The following EXOC6B variants were observed in gnomAD, a reference collection of about 807,000 sequenced individuals.
The protein encoded by EXOC6B is SEC15 homolog B.
Under a neutral mutation model 113.5 loss-of-function variants are expected in EXOC6B, and 54 were observed. The observed-to-expected ratio is 0.48, with a 90% CI of 0.38 to 0.60. The LOEUF is 0.60. Ranked by LOEUF, EXOC6B falls within the 20% of genes least tolerant of loss-of-function variation. EXOC6B has a pLI of 0.00. For missense variants in EXOC6B, 797 were observed against 977.5 expected (o/e 0.82, Z 2.46); for synonymous variants, 357 against 339.0 (o/e 1.05, Z -0.58).
intron 6 of EXOC6B, among the ~76,000 whole-genome samples, chr2:72,694,651 A>G (rs1677735305): frequency 6.6e-6 from 1 of 152,202 alleles, no homozygotes; most frequent in Non-Finnish European, 1.5e-5. Flanking sequence ...TTGAAGGGGA[A>G]GGAAAATAAA....
chr2:72,756,383 C>A (rs963750964), intron 1 of EXOC6B, among the ~76,000 whole-genome samples: 1 of 152,066 alleles, frequency 6.6e-6, no homozygotes, highest in Non-Finnish European at 1.5e-5. Flanking sequence ...CGATTTATAA[C>A]CTAATCATGG....
chr2:72,627,469 C>T (rs1672129913), intron 6 of EXOC6B, among the ~76,000 whole-genome samples: 1 of 152,162 alleles, frequency 6.6e-6, no homozygotes, highest in Admixed American at 6.6e-5. Context: ...GTATTCCATC[C>T]ATATAAATCA....
intron 17 of EXOC6B, among the ~76,000 whole-genome samples, chr2:72,474,345 T>A (rs1698602977): frequency 6.6e-6 from 1 of 152,156 alleles, no homozygotes; most frequent in African/African-American, 2.4e-5. Flanking sequence ...TCTTACTGCA[T>A]TAAGTAAGTT....
At chr2:72,823,481 A>AC (rs1686711038) in intron 1 of EXOC6B, among the ~76,000 whole-genome samples, 2 of 142,210 alleles carry the variant, frequency 1.4e-5, no homozygotes, top group South Asian at 4.3e-4. Context: ...AAAAAAAACA[A>AC]AAAACAAAAA....
At chr2:72,393,649 A>G (rs1692534409) in intron 18 of EXOC6B, among the ~76,000 whole-genome samples, 1 of 152,218 alleles carries the variant, frequency 6.6e-6, no homozygotes, top group Non-Finnish European at 1.5e-5. Flanking sequence ...AGAAAACTAT[A>G]ATAGATATTT....
intron 6 of EXOC6B, among the ~76,000 whole-genome samples, chr2:72,613,045 G>C (rs530417205): frequency 1.3e-5 from 2 of 152,124 alleles, no homozygotes; most frequent in African/African-American, 4.8e-5. Context: ...ATCATTATAA[G>C]GGCGTAAAAA....
intron 6 of EXOC6B, among the ~76,000 whole-genome samples, chr2:72,579,978 T>TA (rs952914060): frequency 1.7e-4 from 26 of 150,474 alleles, no homozygotes; most frequent in East Asian, 7.8e-4. Flanking sequence ...TCTATATATA[T>TA]AAAAAAAAAT....
intron 20 of EXOC6B, among the ~76,000 whole-genome samples, chr2:72,321,395 CATGGT>C (rs1687833634): frequency 6.6e-6 from 1 of 151,890 alleles, no homozygotes; most frequent in Non-Finnish European, 1.5e-5. Flanking sequence ...ATTAGCTGGG[CATGGT>C]GGTGAGCACC....
At chr2:72,411,000 A>G in intron 18 of EXOC6B, among the ~76,000 whole-genome samples, 1 of 152,138 alleles carries the variant, frequency 6.6e-6, no homozygotes, top group Non-Finnish European at 1.5e-5. Context: ...CCTGAGCTCA[A>G]GAGTTCAAGA....
chr2:72,179,501 G>GA, intron 21 of EXOC6B, 40 bp from the exon 22 acceptor site: 1 of 1,612,630 alleles, frequency 6.2e-7, no homozygotes, highest in Non-Finnish European at 8.5e-7. Flanking sequence ...CATGTTTGAG[G>GA]AAACAATGGT....
chr2:72,742,675 T>A (rs1681402480), intron 1 of EXOC6B, among the ~76,000 whole-genome samples: 1 of 152,206 alleles, frequency 6.6e-6, no homozygotes, highest in Non-Finnish European at 1.5e-5. Flanking sequence ...TTTCTTAACC[T>A]CTCACTGATG....
intron 20 of EXOC6B, among the ~76,000 whole-genome samples, chr2:72,290,306 G>T (rs1247935123): frequency 9.9e-5 from 15 of 152,064 alleles, no homozygotes; most frequent in Admixed American, 9.2e-4. Context: ...TCTTGTTTCG[G>T]TTCCTCCAGA....
chr2:72,228,027 G>A (rs1681353433), intron 20 of EXOC6B, among the ~76,000 whole-genome samples: 1 of 152,158 alleles, frequency 6.6e-6, no homozygotes, highest in Non-Finnish European at 1.5e-5. Flanking sequence ...TTGAAGTATA[G>A]ATGAGAGAGA....
At chr2:72,705,032 G>C (rs1033269181) in intron 6 of EXOC6B, among the ~76,000 whole-genome samples, 3 of 151,860 alleles carry the variant, frequency 2.0e-5, no homozygotes, top group Non-Finnish European at 4.4e-5. Context: ...CAAAAAAAGA[G>C]AATTTTAGAC....
At chr2:72,401,630 TATATATACATATATAC>T (rs1164948527) in intron 18 of EXOC6B, among the ~76,000 whole-genome samples, 2 of 48,286 alleles carry the variant, frequency 4.1e-5, no homozygotes, top group East Asian at 3.5e-4. Flanking sequence ...TACATATATA[TATATATACATATATAC>T]ATATATATAT....
chr2:72,740,884 C>T (rs1173072982), intron 2 of EXOC6B, among the ~76,000 whole-genome samples: 2 of 152,104 alleles, frequency 1.3e-5, no homozygotes, highest in African/African-American at 4.8e-5. Context: ...GGGCAGATCA[C>T]GAGGTCAGGA....
intron 6 of EXOC6B, among the ~76,000 whole-genome samples, chr2:72,612,420 A>G (rs1671130838): frequency 6.6e-6 from 1 of 152,132 alleles, no homozygotes; most frequent in African/African-American, 2.4e-5. Flanking sequence ...GTCTTTGCCT[A>G]TCCATTATCA....
chr2:72,495,028 T>G (rs1699960155), intron 15 of EXOC6B, among the ~76,000 whole-genome samples: 1 of 152,018 alleles, frequency 6.6e-6, no homozygotes, highest in South Asian at 2.1e-4. Flanking sequence ...TTTTGTCTAT[T>G]TTTTTTTCTA....
intron 5 of EXOC6B, among the ~76,000 whole-genome samples, chr2:72,730,579 GACACACACACACAC>G (rs3034987): frequency 6.2e-5 from 9 of 144,452 alleles, no homozygotes; most frequent in African/African-American, 1.3e-4. Flanking sequence ...AACAGACAGA[GACACACACACACAC>G]ACACACACAC....
Sources: gnomAD v4.1 joint callset for allele counts (sites outside exome capture counted in the v4.1 genomes callset) on GRCh38, gnomAD v4.1.1 for gene constraint, MANE v1.5 for transcripts, NCBI Gene and HGNC (gene_info 2026-07-23, HGNC 2026-07-21) for gene names.